Variants in WDR70 observed in about 807,000 individuals in gnomAD.
WDR70 encodes WD repeat domain 70, also known as WD repeat-containing protein 70.
In WDR70, 53 loss-of-function variants were observed where a neutral mutation model predicts 88.6. The ratio of observed to expected loss-of-function variants is 0.60; its 90% CI spans 0.48 to 0.75. The LOEUF (loss-of-function observed/expected upper bound fraction) is 0.75. WDR70 is among the 30% of genes least tolerant of loss of function. WDR70 has a pLI of 0.00. For missense variants in WDR70, 610 were observed against 823.2 expected, an observed-to-expected ratio of 0.74 and a Z score of 3.17; for synonymous variants, 280 against 270.0, an observed-to-expected ratio of 1.04 and a Z score of -0.36.
intron 5 of WDR70, among the ~76,000 whole-genome samples, chr5:37,415,674 C>T (rs1749708854): frequency 6.6e-6 from 1 of 151,072 alleles, no homozygotes; most frequent in African/African-American, 2.4e-5. Context: ...GACCCCCCCA[C>T]CTCCCTCCCG....
intron 5 of WDR70, among the ~76,000 whole-genome samples, chr5:37,415,478 T>A (rs1220715030): frequency 1.5e-5 from 1 of 64,882 alleles, no homozygotes. Context: ...CCCACCTCCC[T>A]CCCGGAAGGG....
Position 37,662,110 on chromosome 5 carries a change from G to A in WDR70, c.1093-35545G>A, listed in dbSNP as rs143926627. Among the ~76,000 whole-genome samples, 273 of 152,288 alleles carry A rather than the reference G, an allele frequency of 1.8e-3. 1 individual carries two copies. Among genetic ancestry groups the A allele is most frequent in the African/African-American group, 6.4e-3 (268 of 41,572 alleles). On this transcript the variant is annotated intron_variant, in intron 10 of 17. Transcript: ENST00000265107. Reference sequence around the variant, plus strand: ...AGGTTAGAAGCAAGAAGTCAGTTAGGTCTGATCTCTTTCACTGCCATAATT... The same window carrying A: ...AGGTTAGAAGCAAGAAGTCAGTTAGATCTGATCTCTTTCACTGCCATAATT...
chr5:37,488,192 T>C (rs1739954075), intron 8 of WDR70, among the ~76,000 whole-genome samples: 1 of 151,316 alleles, frequency 6.6e-6, no homozygotes, highest in African/African-American at 2.4e-5. Flanking sequence ...TGGTCTTATA[T>C]GTGACTAGAC....
chr5:37,596,807 C>T (rs1743712956), intron 9 of WDR70, among the ~76,000 whole-genome samples: 2 of 151,692 alleles, frequency 1.3e-5, no homozygotes, highest in Non-Finnish European at 2.9e-5. Flanking sequence ...TGTGATTTGA[C>T]AAATGAATGG....
intron 7 of WDR70, among the ~76,000 whole-genome samples, chr5:37,448,007 A>G (rs896801219): frequency 6.6e-6 from 1 of 152,180 alleles, no homozygotes; most frequent in Non-Finnish European, 1.5e-5. Context: ...TATAGTTACT[A>G]CTGAAGAGGC....
chr5:37,394,506 G>A (rs900313779), intron 4 of WDR70, among the ~76,000 whole-genome samples: 2 of 152,152 alleles, frequency 1.3e-5, no homozygotes, highest in African/African-American at 2.4e-5. Flanking sequence ...CTGAGCTCAC[G>A]TTGTTGTGGG....
chr5:37,524,415 C>G (rs1458341489), intron 9 of WDR70, among the ~76,000 whole-genome samples: 1 of 152,148 alleles, frequency 6.6e-6, no homozygotes, highest in East Asian at 1.9e-4. Flanking sequence ...AAATCCTTTA[C>G]AGACAAGCAA....
At chr5:37,532,396 T>C (rs1027245183) in intron 9 of WDR70, among the ~76,000 whole-genome samples, 9 of 152,242 alleles carry the variant, frequency 5.9e-5, no homozygotes, top group African/African-American at 2.2e-4. Context: ...GAACACCAAT[T>C]ATTTTTAGGT....
intron 9 of WDR70, among the ~76,000 whole-genome samples, chr5:37,517,361 G>A (rs1156532869): frequency 3.7e-5 from 5 of 135,002 alleles, no homozygotes; most frequent in Admixed American, 8.7e-5. Context: ...AATTTCCTTG[G>A]TTATTAAATT....
intron 7 of WDR70, among the ~76,000 whole-genome samples, chr5:37,446,221 G>C (rs1203601459): frequency 6.6e-6 from 1 of 152,100 alleles, no homozygotes; most frequent in Non-Finnish European, 1.5e-5. Context: ...ACCTAGGAAT[G>C]CAACTTACAA....
chr5:37,667,649 G>A (rs1447208010), intron 10 of WDR70, among the ~76,000 whole-genome samples: 1 of 152,002 alleles, frequency 6.6e-6, no homozygotes, highest in Admixed American at 6.5e-5. Flanking sequence ...ATTTGTTTAT[G>A]TATTAGCTAT....
chr5:37,576,141 CT>C (rs1353278715), intron 9 of WDR70, among the ~76,000 whole-genome samples: 1 of 137,452 alleles, frequency 7.3e-6, no homozygotes, highest in Non-Finnish European at 1.6e-5. Flanking sequence ...TCCTTCCCCC[CT>C]CCCTCCCTCC....
chr5:37,495,677 G>A (rs796081979), intron 8 of WDR70, among the ~76,000 whole-genome samples: 7 of 152,286 alleles, frequency 4.6e-5, no homozygotes, highest in African/African-American at 1.7e-4. Context: ...GAGAAGAAGA[G>A]AGAAAAAGTA....
chr5:37,664,816 A>G (rs1183532897), intron 10 of WDR70, among the ~76,000 whole-genome samples: 7 of 152,234 alleles, frequency 4.6e-5, no homozygotes, highest in African/African-American at 1.7e-4. Context: ...GAATTTTAGC[A>G]AATATTAATT....
intron 10 of WDR70, among the ~76,000 whole-genome samples, chr5:37,616,967 T>C (rs1313125672): frequency 6.6e-6 from 1 of 152,232 alleles, no homozygotes; most frequent in East Asian, 1.9e-4. Context: ...CAGTATGTAG[T>C]GATGCCTATT....
intron 9 of WDR70, among the ~76,000 whole-genome samples, chr5:37,541,566 AAAT>A (rs538302755): frequency 6.9e-4 from 105 of 152,336 alleles, no homozygotes; most frequent in African/African-American, 2.5e-3. Context: ...AAAAGCAGAA[AAAT>A]AATGTTTTTT....
Position 37,499,590 on chromosome 5 carries a change from TCTCTC to T in WDR70, c.841-16923_841-16919del, listed in dbSNP as rs1561876789. Among the ~76,000 whole-genome samples, 1,042 of 134,556 alleles carry T rather than the reference TCTCTC, an allele frequency of 7.7e-3. 44 individuals are homozygous for T. Among genetic ancestry groups the T allele is most frequent in the African/African-American group, 0.025 (884 of 36,052 alleles). The allele number at this position is 134,556 out of a possible 152,430, so 88.3% of individuals were successfully genotyped here. On this transcript the variant is annotated intron_variant, in intron 8 of 17. Transcript: ENST00000265107. ...TTAAATATGTGATTTGGAAATATTCTCTCTCTCTCTCTCTCTCTCTCTCTCTCTCT... is the reference window on the plus strand; with the variant it reads ...TTAAATATGTGATTTGGAAATATTCTTCTCTCTCTCTCTCTCTCTCTCTCT...
At chr5:37,736,932 C>G (rs1748321801) in intron 17 of WDR70, among the ~76,000 whole-genome samples, 2 of 152,004 alleles carry the variant, frequency 1.3e-5, no homozygotes, top group South Asian at 4.2e-4. Context: ...AATTTACTGA[C>G]TAGATTATTT....
At position 37,582,496 on chromosome 5, in the gene WDR70, T is replaced by C. The variant is rs1276381558; in HGVS notation, c.918-22568T>C. Among the ~76,000 whole-genome samples, 3 of 152,226 alleles carry C rather than the reference T, an allele frequency of 2.0e-5. No individual in the cohort carries two copies. The East Asian group carries it at 5.8e-4, about 29-fold the overall frequency. ...AACCATAGATTCACACACAGTTATCTTTTAGATGTTAAAGTAGAAGGGTAT... is the reference window on the plus strand; with the variant it reads ...AACCATAGATTCACACACAGTTATCCTTTAGATGTTAAAGTAGAAGGGTAT... On this transcript the variant is annotated intron_variant, in intron 9 of 17. Transcript: ENST00000265107.
Sources: gnomAD v4.1 joint callset for allele counts (sites outside exome capture counted in the v4.1 genomes callset) on GRCh38, gnomAD v4.1.1 for gene constraint, MANE v1.5 for transcripts, NCBI Gene and HGNC (gene_info 2026-07-23, HGNC 2026-07-21) for gene names.